SUGP2: variants seen among roughly 807,000 people sequenced by gnomAD.
SUGP2 encodes the protein SURP and G-patch domain containing 2.
SUGP2 carries 24 observed loss-of-function variants against 90.5 expected under a neutral mutation model. The ratio of observed to expected loss-of-function variants is 0.27; its 90% CI spans 0.19 to 0.37. The LOEUF is 0.37. Among genes scored for constraint, SUGP2 ranks in the 10% least tolerant of loss-of-function variants. The pLI, the probability that SUGP2 is intolerant of heterozygous loss-of-function variation, is 1.00. For synonymous variants in SUGP2, 473 were observed against 513.4 expected (o/e 0.92, Z 1.06); for missense variants, 1,233 against 1,363.3 (o/e 0.90, Z 1.51).
intron 1 of SUGP2, among the ~76,000 whole-genome samples, chr19:19,032,029 C>CA (rs1261337669): frequency 6.6e-6 from 1 of 151,994 alleles, no homozygotes; most frequent in Non-Finnish European, 1.5e-5. Context: ...CCATTAAAAG[C>CA]AGCTCTGTGA....
intron 1 of SUGP2, among the ~76,000 whole-genome samples, chr19:19,032,041 A>C (rs1599601911): frequency 6.6e-6 from 1 of 152,218 alleles, no homozygotes; most frequent in East Asian, 1.9e-4. Flanking sequence ...GCTCTGTGAA[A>C]GCAGTTCTAT....
At chr19:19,023,265 G>A (rs2145672572) in intron 3 of SUGP2, among the ~76,000 whole-genome samples, 1 of 152,260 alleles carries the variant, frequency 6.6e-6, no homozygotes, top group African/African-American at 2.4e-5. Flanking sequence ...AACTTTCCAG[G>A]CTAGACTGGA....
chr19:19,022,789 T>C (rs1356274801), intron 3 of SUGP2, among the ~76,000 whole-genome samples: 1 of 152,130 alleles, frequency 6.6e-6, no homozygotes, highest in Non-Finnish European at 1.5e-5. Flanking sequence ...TGGCCACCTG[T>C]ATGTGGTGGG....
chr19:18,999,455 C>T (rs1297113689), intron 8 of SUGP2, among the ~76,000 whole-genome samples: 1 of 152,202 alleles, frequency 6.6e-6, no homozygotes, highest in South Asian at 2.1e-4. Flanking sequence ...TACAAAACTA[C>T]TCGGTGGCAG....
At chr19:19,016,563 G>T (rs1334527228) in intron 4 of SUGP2, among the ~76,000 whole-genome samples, 1 of 152,100 alleles carries the variant, frequency 6.6e-6, no homozygotes, top group East Asian at 1.9e-4. Context: ...GTCGGTATCT[G>T]CTTGCATCTG....
At chr19:18,995,358 G>A (rs2057533737) in intron 8 of SUGP2, 78 bp from the exon 9 acceptor site, 6 of 1,455,160 alleles carry the variant, frequency 4.1e-6, no homozygotes, top group Admixed American at 2.6e-5. Context: ...GCTATGCCTG[G>A]AGCCCCTCAC....
chr19:19,004,523 C>T lies in SUGP2; in HGVS notation c.2574G>A (p.Thr858=), dbSNP rs200101958. ...GGTCCACGGGGCTCTCCTGAGAACC[C>T]GTGGTGTCACCACCACCAGTGTGAA... is the stretch of plus-strand genomic sequence containing the variant. ...HNLHTGGGDT[T]GSQESPVDLM... Residue 858 remains threonine (T), a synonymous_variant, in exon 7 of 11, where the codon ACG becomes ACA. Transcript: ENST00000452918. The T allele has an allele frequency of 6.0e-5, 97 of 1,614,092 alleles. No individual in the cohort carries two copies. Among genetic ancestry groups the T allele is most frequent in the Middle Eastern group, 1.6e-4 (1 of 6,084 alleles).
chr19:19,018,970 G>T, intron 4 of SUGP2, 139 bp downstream of exon 4: 1 of 984,490 alleles, frequency 1.0e-6, no homozygotes. Flanking sequence ...ATAAATCTGA[G>T]CCACCCTCAT....
rs2058901312 is a variant in SUGP2, at chr19:19,025,787, C to G, written c.561G>C (p.Glu187Asp). 1 of 1,613,990 alleles carries G rather than the reference C, an allele frequency of 6.2e-7. No individual in the cohort carries two copies. Among genetic ancestry groups the G allele is most frequent in the Non-Finnish European group, 8.5e-7 (1 of 1,180,006 alleles). Reference sequence around the variant, plus strand: ...GATGGTCCACGTCATAATCCCGACTCTCCTTCTCCAAACACTCTTTCTCAA... The same window carrying G: ...GATGGTCCACGTCATAATCCCGACTGTCCTTCTCCAAACACTCTTTCTCAA... ...RLIEKECLEK[E>D]SRDYDVDHPG... The change falls in exon 3 of 11, where the codon GAG becomes GAC. Residue 187 changes from glutamate (E) to aspartate (D), a missense_variant. Coordinates refer to ENST00000452918, the MANE Select transcript of SUGP2 (RefSeq NM_001017392.5).
chr19:19,031,112 G>C (rs1469309191), intron 1 of SUGP2, 30 bp from the exon 2 acceptor site: 5 of 1,599,846 alleles, frequency 3.1e-6, no homozygotes, highest in Admixed American at 3.5e-5. Flanking sequence ...AATACACTAA[G>C]AGCAACAACT....
In SUGP2 at chr19:19,025,325, T is replaced by C. The variant is rs367623516; in HGVS notation, c.1023A>G (p.Ile341Met). The change falls in exon 3 of 11, where the codon ATA becomes ATG. Residue 341 changes from isoleucine to methionine, a missense_variant. By Grantham distance (10) the Ile-to-Met change is conservative. This residue lies in a region of SUGP2 where 55 missense variants were observed against 82.0 expected (regional missense o/e 0.67). Transcript: ENST00000452918. Reference sequence around the variant, plus strand: ...GTTGGGAAAATTTAATATCATCTTTTATGGTGTGGAATCCTGCCCATTTGA... The same window carrying C: ...GTTGGGAAAATTTAATATCATCTTTCATGGTGTGGAATCCTGCCCATTTGA... Reference protein sequence around the residue: ...EIIKWAGFHTIKDDIKFSQLF... With the variant: ...EIIKWAGFHTMKDDIKFSQLF... 13 of 1,613,848 alleles carry C rather than the reference T, an allele frequency of 8.1e-6. No individual in the cohort carries two copies. Among genetic ancestry groups the C allele is most frequent in the Non-Finnish European group, 1.1e-5 (13 of 1,179,962 alleles).
In SUGP2 at chr19:19,019,121, T is replaced by C. The variant is rs751810352; in HGVS notation, c.1838A>G (p.Asp613Gly). 3 of 1,613,840 alleles carry C rather than the reference T, an allele frequency of 1.9e-6. No homozygotes were observed. Among genetic ancestry groups the C allele is most frequent in the Non-Finnish European group, 2.5e-6 (3 of 1,179,812 alleles). Residue 613 changes from aspartate (D) to glycine (G), a missense_variant, in exon 4 of 11, where the codon GAC becomes GGC. Physicochemically the swap from Asp to Gly is moderately conservative, Grantham distance 94 (BLOSUM62 -1). Transcript: ENST00000452918. ...TTTAAAGACCTACCAGTAAGCAGGG[T>C]CCTCTTTGAGAAGAGTTCTCTCTTT... is the stretch of plus-strand genomic sequence containing the variant. ...SPKERTLLKEDPAYWFLSDEN... is the reference protein window; with the variant it reads ...SPKERTLLKEGPAYWFLSDEN...
rs201362634 is a variant in SUGP2, at chr19:19,024,733, C to T, written c.1615G>A (p.Gly539Arg). Residue 539 changes from glycine (G) to arginine (R), a missense_variant, in exon 3 of 11, where the codon GGA becomes AGA. Gly to Arg is a moderately radical substitution (Grantham distance 125, BLOSUM62 -2). Coordinates refer to ENST00000452918, the MANE Select transcript of SUGP2 (RefSeq NM_001017392.5). ...DHLKAWLVSS[G>R]CPLQVKKAEP... The stretch of plus-strand genomic sequence containing the variant: ...GCTTTCTTAACCTGGAGGGGACATC[C>T]GCTGCTGACTAGCCAGGCCTTCAGG... 6.7e-5 allele frequency: 108 copies of T among 1,614,052 alleles called. 1 individual carries two copies. Among genetic ancestry groups the T allele is most frequent in the Non-Finnish European group, 5.3e-5 (63 of 1,180,038 alleles).
At position 19,004,537 on chromosome 19, in the gene SUGP2, C is replaced by T; in HGVS notation, c.2560G>A (p.Gly854Ser). ...TCCTGAGAACCCGTGGTGTCACCAC[C>T]ACCAGTGTGAAGGTTGTGCGGAGAT... Reference protein sequence around the residue: ...TSSPHNLHTGGGDTTGSQESP... With the variant: ...TSSPHNLHTGSGDTTGSQESP... The change falls in exon 7 of 11, where the codon GGT (glycine) becomes AGT (serine). Residue 854 changes from glycine (G) to serine (S), a missense_variant. By Grantham distance (56) the Gly-to-Ser change is moderately conservative. Around this residue, in one of 8 missense-constraint regions of SUGP2, gnomAD observed 540 missense variants for 542.6 expected, o/e 1.00. Transcript: ENST00000452918. The T allele has an allele frequency of 6.2e-7, 1 of 1,614,214 alleles. No homozygotes were observed. The highest frequency in any genetic ancestry group is 8.5e-7 in the Non-Finnish European group (1 of 1,180,038).
At chr19:18,994,677 T>C in intron 9 of SUGP2, 191 bp from the exon 10 acceptor site, 5 of 769,290 alleles carry the variant, frequency 6.5e-6, no homozygotes, top group Non-Finnish European at 1.0e-5. Flanking sequence ...AGCTGGCTTT[T>C]GAGGGGGTGC....
At chr19:19,006,330 A>G (rs1158336529) in intron 6 of SUGP2, among the ~76,000 whole-genome samples, 2 of 152,238 alleles carry the variant, frequency 1.3e-5, no homozygotes, top group Non-Finnish European at 2.9e-5. Context: ...AATTTTTTCT[A>G]AAGGCAAAAG....
intron 8 of SUGP2, among the ~76,000 whole-genome samples, chr19:18,996,326 G>A (rs1202039134): frequency 2.6e-5 from 4 of 152,202 alleles, no homozygotes; most frequent in Admixed American, 6.5e-5. Flanking sequence ...AACCTGGGAG[G>A]CAGAGGTTGC....
At chr19:19,018,686 C>CAAAA (rs55923416) in intron 4 of SUGP2, among the ~76,000 whole-genome samples, 1,423 of 84,416 alleles carry the variant, frequency 0.017, 80 homozygotes, top group African/African-American at 0.057. Flanking sequence ...GGCTCCGTCT[C>CAAAA]AAAAAAAAAA....
chr19:18,999,014 A>G (rs1360000396), intron 8 of SUGP2: 1 of 152,340 alleles, frequency 6.6e-6, no homozygotes, highest in Non-Finnish European at 1.5e-5. Context: ...AAGGAAGGGG[A>G]AAGGCTGGTC....
Sources: gnomAD v4.1 joint callset for allele counts (sites outside exome capture counted in the v4.1 genomes callset) on GRCh38, gnomAD v4.1.1 for gene constraint, gnomAD v4.1.1 regional missense constraint, MANE v1.5 for transcripts, NCBI Gene and HGNC (gene_info 2026-07-23, HGNC 2026-07-21) for gene names.